The following INPP5D variants were observed in gnomAD, a reference collection of about 807,000 sequenced individuals.
INPP5D encodes the protein inositol polyphosphate-5-phosphatase D.
Under a neutral mutation model 122.9 loss-of-function variants are expected in INPP5D, and 33 were observed. The observed-to-expected ratio is 0.27, with a 90% confidence interval of 0.20 to 0.36. INPP5D has a LOEUF of 0.36. Ranked by LOEUF, INPP5D falls within the 10% of genes least tolerant of loss-of-function variation. INPP5D has a pLI of 1.00. For synonymous variants in INPP5D, 584 were observed against 576.2 expected (o/e 1.01, Z -0.19); for missense variants, 1,053 against 1,412.7 (o/e 0.75, Z 4.08).
intron 24 of INPP5D, among the ~76,000 whole-genome samples, chr2:233,196,853 C>A (rs1262716298): frequency 1.3e-5 from 2 of 152,118 alleles, no homozygotes; most frequent in African/African-American, 4.8e-5. Context: ...CCCCAGCCAC[C>A]CCCGCTGTAC....
chr2:233,092,294 T>G (rs1376742446), intron 2 of INPP5D, among the ~76,000 whole-genome samples: 2 of 152,198 alleles, frequency 1.3e-5, no homozygotes, highest in East Asian at 1.9e-4. Flanking sequence ...CAGCTGTCAC[T>G]TCTGTCTTCC....
At chr2:233,142,030 C>G (rs1693642620) in intron 6 of INPP5D, among the ~76,000 whole-genome samples, 1 of 152,250 alleles carries the variant, frequency 6.6e-6, no homozygotes, top group African/African-American at 2.4e-5. Flanking sequence ...CTGCCCGACA[C>G]TTGAACTTAA....
chr2:233,176,349 ATGGATGG>A (rs1267132292), intron 17 of INPP5D, among the ~76,000 whole-genome samples: 29 of 148,146 alleles, frequency 2.0e-4, no homozygotes, highest in African/African-American at 5.0e-4. Context: ...GGATGGATGG[ATGGATGG>A]ATAGGCGAAT....
At chr2:233,198,422 G>A in intron 25 of INPP5D, 46 bp downstream of exon 25, 1 of 1,564,232 alleles carries the variant, frequency 6.4e-7, no homozygotes, top group South Asian at 1.2e-5. Flanking sequence ...CCTTATGAAA[G>A]CGCCCTGGGC....
At chr2:233,071,573 G>A (rs1435342200) in intron 1 of INPP5D, among the ~76,000 whole-genome samples, 1 of 152,124 alleles carries the variant, frequency 6.6e-6, no homozygotes, top group Non-Finnish European at 1.5e-5. Context: ...CCAAGTTGGA[G>A]AAAACTACTA....
At chr2:233,167,688 G>A (rs184452330) in intron 13 of INPP5D, among the ~76,000 whole-genome samples, 49 of 152,282 alleles carry the variant, frequency 3.2e-4, no homozygotes, top group African/African-American at 1.2e-3. Context: ...TTCAGCCTAT[G>A]GCCTATCCAG....
chr2:233,115,279 C>G (rs1044299346), intron 2 of INPP5D, among the ~76,000 whole-genome samples: 1 of 152,184 alleles, frequency 6.6e-6, no homozygotes, highest in Non-Finnish European at 1.5e-5. Context: ...TTCCTAGCAC[C>G]CCGGGGCTCC....
rs549457017 is a variant in INPP5D, at chr2:233,066,684, G to A, written c.134+6072G>A. 2.0e-5 allele frequency among the ~76,000 whole-genome samples: 3 copies of A among 152,262 alleles called. No homozygotes were observed. The East Asian group carries it at 5.8e-4, about 29-fold the overall frequency. ...TGCAGTGGCATGATCTCGGCGCACT[G>A]CAACCTCTGTCTCCCGGGTTGAAGT... is the stretch of plus-strand genomic sequence containing the variant. On this transcript the variant is annotated intron_variant, in intron 1 of 26. Transcript: ENST00000445964.
intron 2 of INPP5D, among the ~76,000 whole-genome samples, chr2:233,080,717 G>C (rs892314200): frequency 1.3e-5 from 2 of 152,216 alleles, no homozygotes; most frequent in African/African-American, 4.8e-5. Context: ...GTAGTAGACA[G>C]GGAGCTGGAC....
At chr2:233,112,715 A>G (rs1692665010) in intron 2 of INPP5D, among the ~76,000 whole-genome samples, 1 of 152,108 alleles carries the variant, frequency 6.6e-6, no homozygotes, top group Admixed American at 6.6e-5. Context: ...TCTGTTGCCT[A>G]GGCTGGAGTG....
intron 9 of INPP5D, among the ~76,000 whole-genome samples, chr2:233,156,262 T>C (rs1694051100): frequency 6.6e-6 from 1 of 152,156 alleles, no homozygotes; most frequent in African/African-American, 2.4e-5. Flanking sequence ...GGTGTGTGGG[T>C]CTGCTGAGCC....
At position 233,198,111 on chromosome 2, in the gene INPP5D, G is replaced by A; in HGVS notation, c.2710G>A (p.Gly904Ser). Reference protein sequence around the residue: ...EVTSRAPPCSGSSITEIINPN... With the variant: ...EVTSRAPPCSSSSITEIINPN... The stretch of plus-strand genomic sequence containing the variant: ...TCCCTGCAGGGCCCCTCCGTGCAGT[G>A]GCTCCAGCATCACTGAAATCATCAA... Residue 904 changes from glycine (G) to serine (S), a missense_variant, in exon 25 of 27, where the codon GGC becomes AGC. By Grantham distance (56) the Gly-to-Ser change is moderately conservative. This residue lies in a region of INPP5D where 417 missense variants were observed against 425.8 expected (regional missense o/e 0.98). Coordinates refer to ENST00000445964, the MANE Select transcript of INPP5D (RefSeq NM_001017915.3). 2 of 1,607,302 alleles carry A rather than the reference G, an allele frequency of 1.2e-6. No homozygotes were observed. The highest frequency in any genetic ancestry group is 1.7e-6 in the Non-Finnish European group (2 of 1,175,952).
At chr2:233,174,885 T>C (rs1030249844) in intron 17 of INPP5D, among the ~76,000 whole-genome samples, 2 of 151,930 alleles carry the variant, frequency 1.3e-5, no homozygotes, top group African/African-American at 4.8e-5. Context: ...AATTCCGCTT[T>C]GGTGTGTGTT....
At chr2:233,196,127 AAAAAC>A (rs1489807607) in intron 24 of INPP5D, among the ~76,000 whole-genome samples, 1 of 152,210 alleles carries the variant, frequency 6.6e-6, no homozygotes, top group Admixed American at 6.5e-5. Context: ...TTGTCTCAAA[AAAAAC>A]AAAACAAAAC....
intron 2 of INPP5D, among the ~76,000 whole-genome samples, chr2:233,108,358 G>A (rs765835338): frequency 8.5e-5 from 13 of 152,148 alleles, no homozygotes; most frequent in African/African-American, 2.2e-4. Context: ...ATCTCTGACC[G>A]CTCAGGCAAG....
intron 26 of INPP5D, 33 bp downstream of exon 26, chr2:233,204,750 TTG>T (rs33926881): frequency 3.4e-5 from 49 of 1,443,336 alleles, no homozygotes; most frequent in Middle Eastern, 2.1e-4. Context: ...TCGTGTGCAT[TTG>T]TGTGTGTGTG....
At position 233,170,177 on chromosome 2, in the gene INPP5D, C is replaced by T. The variant is rs755776147; in HGVS notation, c.1791+13C>T. The T allele has an allele frequency of 6.8e-6, 11 of 1,611,980 alleles. No homozygotes were observed. Among genetic ancestry groups the T allele is most frequent in the Middle Eastern group, 1.6e-4 (1 of 6,072 alleles). ...TCTGCCTACCTGGGTAAGGGCTGCC[C>T]GCCTGGGGCTGGGGCTGGGGCTGTA... On this transcript the variant is annotated intron_variant, in intron 15 of 26. Coordinates refer to ENST00000445964, the MANE Select transcript of INPP5D (RefSeq NM_001017915.3). This position sits in a 1 kb window ranked among gnomAD's most constrained non-coding sequence, Gnocchi z 4.5.
At chr2:233,064,133 G>A (rs1469777157) in intron 1 of INPP5D, among the ~76,000 whole-genome samples, 1 of 152,294 alleles carries the variant, frequency 6.6e-6, no homozygotes, top group Admixed American at 6.5e-5. Context: ...CCTCTCTGCA[G>A]GAGCAGCTGG....
chr2:233,080,155 C>G (rs1691635845), intron 2 of INPP5D, among the ~76,000 whole-genome samples: 1 of 152,080 alleles, frequency 6.6e-6, no homozygotes, highest in Non-Finnish European at 1.5e-5. Context: ...GTCTTAAACT[C>G]CTGACAGCGA....
Sources: gnomAD v4.1 joint callset for allele counts (sites outside exome capture counted in the v4.1 genomes callset) on GRCh38, gnomAD v4.1.1 for gene constraint, gnomAD v4.1.1 regional missense constraint, Gnocchi (gnomAD v3.1) non-coding constraint, MANE v1.5 for transcripts, NCBI Gene and HGNC (gene_info 2026-07-23, HGNC 2026-07-21) for gene names.